The following HSF5 variants were observed in gnomAD, a reference collection of about 807,000 sequenced individuals.
HSF5 encodes heat shock transcription factor 5.
Under a neutral mutation model 50.8 loss-of-function variants are expected in HSF5, and 5 were observed. The observed-to-expected ratio is 0.10, with a 90% CI of 0.05 to 0.21. The LOEUF (loss-of-function observed/expected upper bound fraction) is 0.21, where lower values mean the gene tolerates loss of function less well. Ranked by LOEUF, HSF5 falls within the 10% of genes least tolerant of loss-of-function variation. The pLI is 1.00. For missense variants in HSF5, 564 were observed against 762.6 expected (o/e 0.74, Z 3.07); for synonymous variants, 307 against 307.4 (o/e 1.00, Z 0.02).
intron 5 of HSF5, among the ~76,000 whole-genome samples, chr17:58,436,774 T>A (rs2143740124): frequency 6.6e-6 from 1 of 152,060 alleles, no homozygotes; most frequent in Admixed American, 6.6e-5. Flanking sequence ...ATACCTAACC[T>A]TCTTTGCCTA....
At chr17:58,478,604 G>A (rs555027518) in intron 2 of HSF5, among the ~76,000 whole-genome samples, 350 of 151,342 alleles carry the variant, frequency 2.3e-3, no homozygotes, top group South Asian at 5.0e-3. Context: ...GCTCACTCCC[G>A]TAATCCCAGC....
At chr17:58,462,696 C>A (rs1598194747) in intron 4 of HSF5, 86 bp downstream of exon 4, 6 of 1,311,126 alleles carry the variant, frequency 4.6e-6, no homozygotes, top group African/African-American at 1.5e-5. Context: ...CAAATAAAAT[C>A]TGAACAAACT....
chr17:58,459,694 T>A (rs1430162572), intron 4 of HSF5, among the ~76,000 whole-genome samples: 1 of 151,884 alleles, frequency 6.6e-6, no homozygotes, highest in East Asian at 1.9e-4. Flanking sequence ...TCTCGCTATG[T>A]TGCCCAGGCT....
intron 5 of HSF5, among the ~76,000 whole-genome samples, chr17:58,456,181 A>G (rs984559119): frequency 7.9e-5 from 12 of 151,714 alleles, no homozygotes; most frequent in Non-Finnish European, 1.6e-4. Flanking sequence ...ACACACACAC[A>G]CACACACACA....
At chr17:58,444,627 C>T (rs1313660016) in intron 5 of HSF5, among the ~76,000 whole-genome samples, 1 of 152,098 alleles carries the variant, frequency 6.6e-6, no homozygotes, top group East Asian at 1.9e-4. Context: ...CTATAACAAT[C>T]CTAGAAGAAA....
chr17:58,455,648 A>AT (rs2143770054), intron 5 of HSF5, among the ~76,000 whole-genome samples: 1 of 152,222 alleles, frequency 6.6e-6, no homozygotes, highest in South Asian at 2.1e-4. Context: ...AAAAAACAAA[A>AT]AACAGTCTGA....
intron 5 of HSF5, among the ~76,000 whole-genome samples, chr17:58,451,422 T>C (rs773511659): frequency 6.6e-4 from 101 of 152,196 alleles, no homozygotes; most frequent in African/African-American, 2.0e-3. Context: ...ATCTCCAGAA[T>C]AGACCATACG....
At chr17:58,474,077 T>C (rs376452819) in intron 2 of HSF5, among the ~76,000 whole-genome samples, 1 of 152,144 alleles carries the variant, frequency 6.6e-6, no homozygotes, top group Admixed American at 6.6e-5. Context: ...CTCCTGGCCT[T>C]AAGTGATCCA....
intron 1 of HSF5, among the ~76,000 whole-genome samples, chr17:58,480,582 C>T (rs1046463403): frequency 1.3e-5 from 2 of 152,132 alleles, no homozygotes; most frequent in Non-Finnish European, 2.9e-5. Context: ...TCTTACCTTT[C>T]GCTTTATTTG....
At chr17:58,447,119 C>T (rs528329247) in intron 5 of HSF5, among the ~76,000 whole-genome samples, 17 of 151,906 alleles carry the variant, frequency 1.1e-4, no homozygotes, top group African/African-American at 3.4e-4. Context: ...AGCAAGACTC[C>T]ATCTCAAAAA....
intron 5 of HSF5, among the ~76,000 whole-genome samples, chr17:58,436,732 T>A (rs1974431256): frequency 6.6e-6 from 1 of 151,668 alleles, no homozygotes; most frequent in South Asian, 2.1e-4. Flanking sequence ...TTGGGAAAAA[T>A]GACGCCTTAA....
At chr17:58,487,654 C>T (rs1975205312) in intron 1 of HSF5, 71 bp downstream of exon 1, 1 of 1,346,354 alleles carries the variant, frequency 7.4e-7, no homozygotes, top group African/African-American at 1.5e-5. Context: ...GAAAATGCGC[C>T]CTCCAGCGGC....
In HSF5 at chr17:58,463,238, A is replaced by C. The variant is rs376204246; in HGVS notation, c.1086T>G (p.Thr362=). 3.7e-6 allele frequency: 6 copies of C among 1,613,964 alleles called. No individual in the cohort carries two copies. The African/African-American group carries it at 8.0e-5, about 22-fold the overall frequency. Reference sequence around the variant, plus strand: ...TTACTTCTGTCTTTGTATTTTCATCAGTAGTACTGCAGGGCCAATTGGAAG... The same window carrying C: ...TTACTTCTGTCTTTGTATTTTCATCCGTAGTACTGCAGGGCCAATTGGAAG... ...FLPSNWPCST[T]DENTKTEVNL... is the part of the protein sequence containing the mutation. Residue 362 remains threonine (T), a synonymous_variant, in exon 4 of 6, where the codon ACT becomes ACG. Transcript: ENST00000323777.
intron 5 of HSF5, among the ~76,000 whole-genome samples, chr17:58,458,305 C>A (rs943063385): frequency 1.3e-5 from 2 of 152,164 alleles, no homozygotes; most frequent in Non-Finnish European, 2.9e-5. Flanking sequence ...TAGGGTCATA[C>A]TTTATAGTAT....
At chr17:58,475,587 G>A (rs1975001945) in intron 2 of HSF5, among the ~76,000 whole-genome samples, 1 of 152,304 alleles carries the variant, frequency 6.6e-6, no homozygotes, top group Admixed American at 6.5e-5. Context: ...AAGCCATGTT[G>A]TCAAAATGCC....
chr17:58,479,788 C>T, intron 2 of HSF5, 105 bp downstream of exon 2: 1 of 968,860 alleles, frequency 1.0e-6, no homozygotes, highest in Non-Finnish European at 1.5e-6. Context: ...TACATTCCTA[C>T]TGTTTGTGTT....
intron 5 of HSF5, among the ~76,000 whole-genome samples, chr17:58,438,106 C>CA (rs532267057): frequency 2.2e-3 from 312 of 141,394 alleles, no homozygotes; most frequent in Admixed American, 5.3e-3. Context: ...ATCAAATTGC[C>CA]AAAAAAAAAA....
chr17:58,444,536 C>T (rs138968614), intron 5 of HSF5, among the ~76,000 whole-genome samples: 291 of 152,186 alleles, frequency 1.9e-3, no homozygotes, highest in Admixed American at 3.7e-3. Context: ...TGAAGTTAAA[C>T]GCTTACACCA....
chr17:58,477,568 T>C (rs1302537444), intron 2 of HSF5, among the ~76,000 whole-genome samples: 1 of 151,740 alleles, frequency 6.6e-6, no homozygotes, highest in Non-Finnish European at 1.5e-5. Context: ...CACGCCATTC[T>C]CCTGCCTCAG....
Sources: gnomAD v4.1 joint callset for allele counts (sites outside exome capture counted in the v4.1 genomes callset) on GRCh38, gnomAD v4.1.1 for gene constraint, MANE v1.5 for transcripts, NCBI Gene and HGNC (gene_info 2026-07-23, HGNC 2026-07-21) for gene names.